The following ELAVL2 variants were observed in gnomAD, a reference collection of about 807,000 sequenced individuals.
The protein encoded by ELAVL2 is ELAV-like protein 2.
A neutral mutation model predicts 34.6 loss-of-function variants in ELAVL2; 4 were observed. The ratio of observed to expected loss-of-function variants is 0.12; its 90% CI spans 0.06 to 0.26. The LOEUF is 0.26. Ranked by LOEUF, ELAVL2 falls within the 10% of genes least tolerant of loss-of-function variation. ELAVL2 has a pLI of 1.00. For synonymous variants in ELAVL2, 193 were observed against 154.8 expected (o/e 1.25, Z -1.83); for missense variants, 432 against 442.8 (o/e 0.98, Z 0.22).
intron 1 of ELAVL2, among the ~76,000 whole-genome samples, chr9:23,795,551 A>C (rs994237137): frequency 1.3e-5 from 2 of 152,204 alleles, no homozygotes; most frequent in African/African-American, 4.8e-5. Context: ...TCTCAAAAAA[A>C]TAAAAATAAA....
At chr9:23,767,997 A>C (rs897081338) in intron 1 of ELAVL2, among the ~76,000 whole-genome samples, 3 of 152,090 alleles carry the variant, frequency 2.0e-5, no homozygotes, top group African/African-American at 7.2e-5. Context: ...TGCCATGGTC[A>C]ACATCCTGAC....
intron 2 of ELAVL2, among the ~76,000 whole-genome samples, chr9:23,756,011 T>A (rs548909519): frequency 2.0e-5 from 3 of 152,188 alleles, no homozygotes; most frequent in Non-Finnish European, 4.4e-5. Flanking sequence ...TGCTATTAAA[T>A]TTGAAGGTTC....
At chr9:23,768,535 C>A (rs1000382046) in intron 1 of ELAVL2, among the ~76,000 whole-genome samples, 4 of 151,674 alleles carry the variant, frequency 2.6e-5, no homozygotes, top group African/African-American at 7.3e-5. Flanking sequence ...TTTTTCTATC[C>A]CACCAAGTAT....
chr9:23,692,985 G>A (rs972544598), intron 6 of ELAVL2, 101 bp from the exon 7 acceptor site: 16 of 1,062,250 alleles, frequency 1.5e-5, no homozygotes, highest in Non-Finnish European at 1.9e-5. Context: ...AAGAATTTTA[G>A]TAACTCTCCT....
intron 4 of ELAVL2, among the ~76,000 whole-genome samples, chr9:23,702,939 G>C (rs1328532986): frequency 5.9e-5 from 3 of 50,462 alleles, no homozygotes; most frequent in Middle Eastern, 0.022. Flanking sequence ...CATTAGAAAA[G>C]CATCAGATTA....
At chr9:23,828,696 G>A (rs952163195), upstream of ELAVL2, among the ~76,000 whole-genome samples, 1 of 152,012 alleles carries the variant, frequency 6.6e-6, no homozygotes. Flanking sequence ...GTCTTTTTAT[G>A]TAGGTGAGAT....
At chr9:23,774,683 A>C (rs1446247237) in intron 1 of ELAVL2, among the ~76,000 whole-genome samples, 1 of 125,802 alleles carries the variant, frequency 7.9e-6, no homozygotes. Context: ...AAAAATACAC[A>C]TCTCCCATCC....
intron 2 of ELAVL2, among the ~76,000 whole-genome samples, chr9:23,751,123 T>C (rs2051890473): frequency 6.6e-6 from 1 of 152,064 alleles, no homozygotes; most frequent in Non-Finnish European, 1.5e-5. Context: ...CAAATTTTTG[T>C]TGAGCTAGAG....
Position 23,705,897 on chromosome 9 carries a change from T to G in ELAVL2, c.334-826A>C, listed in dbSNP as rs1442896952. Among the ~76,000 whole-genome samples the G allele has an allele frequency of 7.9e-5, 12 of 152,194 alleles. 1 individual carries two copies. The highest frequency in any genetic ancestry group is 5.9e-4 in the Admixed American group (9 of 15,278). ...GGATTTAGGCCCAATCATTCTAAGC[T>G]TAAAGATTCCAAATTCATGGAACAT... On this transcript the variant is annotated intron_variant, in intron 3 of 6. Transcript: ENST00000397312.
intron 3 of ELAVL2, among the ~76,000 whole-genome samples, chr9:23,716,970 A>C (rs1465220995): frequency 6.6e-6 from 1 of 152,224 alleles, no homozygotes; most frequent in Non-Finnish European, 1.5e-5. Flanking sequence ...GAGGAATGAC[A>C]ATCTAAATGT....
intron 2 of ELAVL2, among the ~76,000 whole-genome samples, chr9:23,732,913 A>T (rs541230399): frequency 6.6e-6 from 1 of 152,312 alleles, no homozygotes; most frequent in Non-Finnish European, 1.5e-5. Context: ...CATGAGAAAA[A>T]ATAACATGCT....
chr9:23,695,773 T>A (rs2034948323), intron 5 of ELAVL2, among the ~76,000 whole-genome samples: 1 of 152,224 alleles, frequency 6.6e-6, no homozygotes, highest in African/African-American at 2.4e-5. Flanking sequence ...AATATTAGGA[T>A]GACTATGATA....
the ELAVL2 span, among the ~76,000 whole-genome samples, chr9:23,850,374 G>A: frequency 6.6e-6 from 1 of 152,144 alleles, no homozygotes; most frequent in Non-Finnish European, 1.5e-5. Flanking sequence ...GTTCCTTCAG[G>A]AAAACACTTC....
intron 1 of ELAVL2, among the ~76,000 whole-genome samples, chr9:23,771,318 A>C (rs192917822): frequency 1.2e-4 from 19 of 152,276 alleles, no homozygotes; most frequent in Non-Finnish European, 2.4e-4. Context: ...ATTCCTACAA[A>C]CCACCAAAAC....
chr9:23,748,343 G>A (rs867679806), intron 2 of ELAVL2, among the ~76,000 whole-genome samples: 4 of 152,086 alleles, frequency 2.6e-5, no homozygotes, highest in African/African-American at 7.2e-5. Flanking sequence ...AAGTAGTCTG[G>A]GGATGTTACA....
At chr9:23,842,203 A>C in the ELAVL2 span, among the ~76,000 whole-genome samples, 21 of 152,178 alleles carry the variant, frequency 1.4e-4, no homozygotes, top group Non-Finnish European at 2.5e-4. Flanking sequence ...TTTAACCAGC[A>C]GAGAATTGCA....
chr9:23,799,074 A>G (rs576958780), intron 1 of ELAVL2, among the ~76,000 whole-genome samples: 56 of 152,310 alleles, frequency 3.7e-4, no homozygotes, highest in Admixed American at 1.5e-3. Context: ...TGGCCTTCCT[A>G]AAGTGCTAAT....
intron 1 of ELAVL2, among the ~76,000 whole-genome samples, chr9:23,774,163 A>G (rs1039318324): frequency 1.4e-5 from 2 of 143,298 alleles, no homozygotes; most frequent in Admixed American, 1.5e-4. Flanking sequence ...GTGAGTCTAG[A>G]TCGCACCACT....
chr9:23,700,724 T>A (rs185120301), intron 5 of ELAVL2, among the ~76,000 whole-genome samples: 1 of 152,226 alleles, frequency 6.6e-6, no homozygotes, highest in Non-Finnish European at 1.5e-5. Flanking sequence ...TCTGCCAACC[T>A]GTTTGTAAAC....
Sources: allele counts gnomAD v4.1 joint callset (sites outside exome capture counted in the v4.1 genomes callset), GRCh38; gene constraint gnomAD v4.1.1; transcripts MANE v1.5; gene names NCBI Gene and HGNC (gene_info 2026-07-23, HGNC 2026-07-21).